PATJ: variants seen among roughly 807,000 people sequenced by gnomAD.
PATJ encodes inaD-like protein.
Under a neutral mutation model 224.9 loss-of-function variants are expected in PATJ, and 190 were observed. The observed-to-expected ratio is 0.84, with a 90% CI of 0.75 to 0.95. PATJ has a LOEUF of 0.95. PATJ is among the 40% of genes least tolerant of loss of function. The pLI, the probability that PATJ is intolerant of heterozygous loss-of-function variation, is 0.00. For missense variants in PATJ, 2,121 were observed against 2,270.3 expected, an observed-to-expected ratio of 0.93 and a Z score of 1.34; for synonymous variants, 769 against 820.3, an observed-to-expected ratio of 0.94 and a Z score of 1.07.
intron 4 of PATJ, 24 bp from the exon 5 acceptor site, chr1:61,769,259 T>A (rs760862728): frequency 1.3e-6 from 2 of 1,594,828 alleles, no homozygotes; most frequent in South Asian, 2.3e-5. Flanking sequence ...CCATTGACTT[T>A]TTTTTTTAAC....
chr1:62,079,331 A>AAG, intron 31 of PATJ, 119 bp from the exon 32 acceptor site: 1 of 647,238 alleles, frequency 1.5e-6, no homozygotes. Flanking sequence ...CCAACCTTAT[A>AAG]TTCTCAAAAG....
intron 26 of PATJ, 55 bp downstream of exon 26, chr1:61,914,719 G>C (rs1422332906): frequency 1.8e-6 from 2 of 1,133,608 alleles, no homozygotes; most frequent in Non-Finnish European, 2.6e-6. Context: ...TTTTGTTTTT[G>C]TTTTCCATAT....
rs958950999 is a variant in PATJ at position 62,086,444 on chromosome 1, A to G, written c.4377+1796A>G. ...CTACCTAAAACCAGGGCGACTCCCTAGAGACAATCACTCTTGTTAATGAAT... is the reference window on the plus strand; with the variant it reads ...CTACCTAAAACCAGGGCGACTCCCTGGAGACAATCACTCTTGTTAATGAAT... On this transcript the variant is annotated intron_variant, in intron 33 of 43. Coordinates refer to ENST00000642238, the MANE Select transcript of PATJ (RefSeq NM_001350145.3). The surrounding 1 kb of genome is among the most constrained non-coding windows in gnomAD (Gnocchi z 4.0). 9.9e-5 allele frequency among the ~76,000 whole-genome samples: 15 copies of G among 152,184 alleles called. No homozygotes were observed. The highest frequency in any genetic ancestry group is 8.5e-4 in the Admixed American group (13 of 15,278).
At chr1:62,114,022 G>C in intron 34 of PATJ, 31 bp from the exon 35 acceptor site, 1 of 1,606,072 alleles carries the variant, frequency 6.2e-7, no homozygotes, top group African/African-American at 1.3e-5. Flanking sequence ...TCTGCCATCA[G>C]CAGCCCAGCT....
intron 27 of PATJ, among the ~76,000 whole-genome samples, chr1:61,979,078 C>T (rs1436322505): frequency 6.6e-6 from 1 of 152,024 alleles, no homozygotes; most frequent in African/African-American, 2.4e-5. Context: ...GCTAGACAAT[C>T]CATGTTTAAA....
chr1:61,918,307 CTT>C (rs981322479), intron 26 of PATJ, among the ~76,000 whole-genome samples: 10 of 115,622 alleles, frequency 8.6e-5, no homozygotes, highest in Admixed American at 8.8e-5. Flanking sequence ...TTTGTGTATT[CTT>C]TTTTTTTTTT....
At chr1:62,108,605 T>A in intron 34 of PATJ, 85 bp downstream of exon 34, 1 of 706,242 alleles carries the variant, frequency 1.4e-6, no homozygotes, top group Non-Finnish European at 2.3e-6. Context: ...TCTACTCAAC[T>A]GTATTTTCAC....
intron 43 of PATJ, among the ~76,000 whole-genome samples, chr1:62,160,586 A>G (rs1396570863): frequency 1.3e-5 from 2 of 152,236 alleles, no homozygotes; most frequent in African/African-American, 4.8e-5. Flanking sequence ...TTTCATGAAT[A>G]GGACATGATA....
Position 62,161,201 on chromosome 1 carries a change from T to C in PATJ, c.*147T>C. 2 of 528,962 alleles carry C rather than the reference T, an allele frequency of 3.8e-6. No individual in the cohort carries two copies. Among genetic ancestry groups the C allele is most frequent in the Non-Finnish European group, 5.9e-6 (2 of 337,930 alleles). The allele number at this position is 528,962 out of a possible 1,614,324, so 32.8% of individuals were successfully genotyped here. On this transcript the variant is annotated 3_prime_UTR_variant, in exon 44 of 44. Coordinates refer to ENST00000642238, the MANE Select transcript of PATJ (RefSeq NM_001350145.3). ...CTCTGCTCAGGAGAAATGGCTGAGG[T>C]TTCATGTGAATTTCCCAAATCAACA...
In PATJ at chr1:61,833,801, TAG is replaced by T. The variant is rs770323127; in HGVS notation, c.2112+19_2112+20del. 1 of 1,606,246 alleles carries T rather than the reference TAG, an allele frequency of 6.2e-7. No homozygotes were observed. The highest frequency in any genetic ancestry group is 1.1e-5 in the South Asian group (1 of 89,686). ...GGATTACCAGGTATAAGAACCTGTG[TAG>T]AGGTGTTTTCTTTGGAGTGATTGGT... is the stretch of plus-strand genomic sequence containing the variant. On this transcript the variant is annotated intron_variant, in intron 17 of 43. Coordinates refer to ENST00000642238, the MANE Select transcript of PATJ (RefSeq NM_001350145.3).
At chr1:61,978,817 T>G (rs1644291284) in intron 27 of PATJ, among the ~76,000 whole-genome samples, 1 of 152,092 alleles carries the variant, frequency 6.6e-6, no homozygotes, top group South Asian at 2.1e-4. Flanking sequence ...TTTCTGAAAT[T>G]GTATTGAGTC....
intron 30 of PATJ, among the ~76,000 whole-genome samples, chr1:62,048,573 AAAAG>A (rs1309410337): frequency 2.9e-4 from 44 of 150,458 alleles, no homozygotes; most frequent in African/African-American, 2.9e-4. Context: ...AAAAAAAAGA[AAAAG>A]AAAGAAAAGA....
At chr1:62,005,874 A>G (rs1267351011) in intron 28 of PATJ, among the ~76,000 whole-genome samples, 9 of 152,154 alleles carry the variant, frequency 5.9e-5, no homozygotes, top group Admixed American at 5.9e-4. Context: ...ACTTTTCATA[A>G]TCAATCCTTC....
At chr1:61,969,941 G>A (rs575709702) in intron 27 of PATJ, among the ~76,000 whole-genome samples, 115 of 152,180 alleles carry the variant, frequency 7.6e-4, no homozygotes, top group African/African-American at 2.6e-3. Flanking sequence ...TGATCCGCCC[G>A]CCTCGGCCTC....
chr1:61,980,465 GTGTGTGTGTGTGTGGTA>G (rs1644392667), intron 27 of PATJ, among the ~76,000 whole-genome samples: 1 of 149,874 alleles, frequency 6.7e-6, no homozygotes, highest in African/African-American at 2.5e-5. Flanking sequence ...GTGTGTGTGT[GTGTGTGTGTGTGTGGTA>G]TGCATTTTCA....
intron 3 of PATJ, 66 bp downstream of exon 3, chr1:61,763,245 A>G (rs1646066262): frequency 1.1e-6 from 1 of 936,280 alleles, no homozygotes. Context: ...TCAAAGAAAG[A>G]TAGAGGAGAT....
rs763069034 is a variant in PATJ, at chr1:61,861,521, T to C, written c.2323-30T>C. 6 of 1,015,252 alleles carry C rather than the reference T, an allele frequency of 5.9e-6. No individual in the cohort carries two copies. In the South Asian group the frequency reaches 8.6e-5, roughly 15 times the overall value. 62.9% of individuals were successfully genotyped at this position (1,015,252 alleles called of 1,614,324 possible). ...CTCCCCACCCCACAATATTTTCTTA[T>C]TTATAAATAAAAGTGGTTTATATTT... On this transcript the variant is annotated intron_variant, in intron 18 of 43. Coordinates refer to ENST00000642238, the MANE Select transcript of PATJ (RefSeq NM_001350145.3).
intron 31 of PATJ, among the ~76,000 whole-genome samples, chr1:62,054,718 C>A (rs1320257636): frequency 2.6e-5 from 4 of 152,148 alleles, no homozygotes; most frequent in South Asian, 4.1e-4. Context: ...TTCCAATTTG[C>A]AAAACAGTTT....
intron 28 of PATJ, among the ~76,000 whole-genome samples, chr1:62,017,240 C>A (rs189775431): frequency 5.3e-5 from 8 of 151,896 alleles, no homozygotes; most frequent in African/African-American, 1.9e-4. Flanking sequence ...ATGGTGAAAC[C>A]CCATCTCTAC....
Sources: gnomAD v4.1 joint callset for allele counts (sites outside exome capture counted in the v4.1 genomes callset) on GRCh38, gnomAD v4.1.1 for gene constraint, Gnocchi (gnomAD v3.1) non-coding constraint, MANE v1.5 for transcripts, NCBI Gene and HGNC (gene_info 2026-07-23, HGNC 2026-07-21) for gene names.